Variants in PHGDH observed in about 807,000 individuals in gnomAD.
The protein encoded by PHGDH is phosphoglycerate dehydrogenase, also known as D-3-phosphoglycerate dehydrogenase.
Under a neutral mutation model 52.6 loss-of-function variants are expected in PHGDH, and 50 were observed. The ratio of observed to expected loss-of-function variants is 0.95; its 90% confidence interval spans 0.76 to 1.20. PHGDH has a LOEUF of 1.20. Among genes scored for constraint, PHGDH ranks in the 50% most tolerant of loss-of-function variants. PHGDH has a pLI of 0.00. For missense variants in PHGDH, 630 were observed against 684.6 expected, an observed-to-expected ratio of 0.92 and a Z score of 0.89; for synonymous variants, 271 against 280.5, an observed-to-expected ratio of 0.97 and a Z score of 0.34.
At chr1:119,738,499 G>A (rs1417411421) in intron 8 of PHGDH, among the ~76,000 whole-genome samples, 1 of 152,214 alleles carries the variant, frequency 6.6e-6, no homozygotes, top group Non-Finnish European at 1.5e-5. Context: ...GGGCTCCTCA[G>A]GGCAGAGCAC....
chr1:119,734,473 G>T, intron 5 of PHGDH, 161 bp from the exon 6 acceptor site: 1 of 746,922 alleles, frequency 1.3e-6, no homozygotes. Flanking sequence ...TTAGTATGTG[G>T]AACATGGTAC....
intron 1 of PHGDH, chr1:119,715,732 CTTGT>C (rs879383487): frequency 3.3e-5 from 5 of 152,154 alleles, no homozygotes; most frequent in Admixed American, 3.3e-4. Flanking sequence ...AGCGGGAGGA[CTTGT>C]AGGAAGTGTG....
In PHGDH at chr1:119,743,969, A is replaced by C; in HGVS notation, c.1531A>C (p.Ile511Leu). 2.6e-5 allele frequency: 42 copies of C among 1,614,046 alleles called. No individual in the cohort carries two copies. The highest frequency in any genetic ancestry group is 3.6e-5 in the Non-Finnish European group (42 of 1,179,914). The change falls in exon 12 of 12, where the codon ATC (isoleucine) becomes CTC (leucine). Residue 511 changes from isoleucine to leucine, a missense_variant. Transcript: ENST00000641023. ...SDGETWHVMGISSLLPSLEAW... is the reference protein window; with the variant it reads ...SDGETWHVMGLSSLLPSLEAW... ...TGGGGAGACCTGGCACGTCATGGGCATCTCCTCCTTGCTGCCCAGCCTGGA... is the reference window on the plus strand; with the variant it reads ...TGGGGAGACCTGGCACGTCATGGGCCTCTCCTCCTTGCTGCCCAGCCTGGA...
At chr1:119,737,726 T>G (rs1175146357) in intron 8 of PHGDH, among the ~76,000 whole-genome samples, 1 of 152,180 alleles carries the variant, frequency 6.6e-6, no homozygotes. Flanking sequence ...ATGAGCCCTC[T>G]GTGCTGGCTG....
At chr1:119,719,986 G>A (rs981747541) in intron 1 of PHGDH, 1 of 152,202 alleles carries the variant, frequency 6.6e-6, no homozygotes, top group Non-Finnish European at 1.5e-5. Context: ...GCAGACCTAG[G>A]ATTAGAACTC....
chr1:119,724,438 C>G (rs45488800), intron 3 of PHGDH: 2 of 279,892 alleles, frequency 7.1e-6, no homozygotes, highest in Non-Finnish European at 6.9e-6. Context: ...CAGTTTCCAT[C>G]TGAGCTCTCT....
intron 1 of PHGDH, among the ~76,000 whole-genome samples, chr1:119,716,807 C>T (rs1650956281): frequency 6.6e-6 from 1 of 152,092 alleles, no homozygotes; most frequent in Non-Finnish European, 1.5e-5. Flanking sequence ...GAAATGACCA[C>T]TAAAAATGTG....
At chr1:119,736,794 A>G (rs1042187260) in intron 7 of PHGDH, among the ~76,000 whole-genome samples, 1 of 152,232 alleles carries the variant, frequency 6.6e-6, no homozygotes, top group Non-Finnish European at 1.5e-5. Flanking sequence ...CAGTAATGTT[A>G]TGAGGGAGAT....
At chr1:119,734,368 C>T in intron 5 of PHGDH, 1 of 443,166 alleles carries the variant, frequency 2.3e-6, no homozygotes, top group Non-Finnish European at 4.2e-6. Context: ...CTGCTTCCCT[C>T]AGCTCTCAAG....
intron 3 of PHGDH, among the ~76,000 whole-genome samples, chr1:119,723,982 G>A (rs950732119): frequency 6.6e-6 from 1 of 152,048 alleles, no homozygotes; most frequent in African/African-American, 2.4e-5. Context: ...GGGTCCTTGT[G>A]TGTTCTGTGG....
chr1:119,738,678 C>T (rs1290227167), intron 8 of PHGDH, among the ~76,000 whole-genome samples: 1 of 152,178 alleles, frequency 6.6e-6, no homozygotes, highest in Non-Finnish European at 1.5e-5. Flanking sequence ...CCTTCCCCAT[C>T]GCAGCCTTGC....
rs142622658 is a variant in PHGDH, at chr1:119,737,123, C to T, written c.802C>T (p.Arg268Trp). Residue 268 changes from arginine to tryptophan, a missense_variant, in exon 8 of 12, where the codon CGG becomes TGG. Physicochemically the swap from Arg to Trp is moderately radical, Grantham distance 101 (BLOSUM62 -3). Coordinates refer to ENST00000641023, the MANE Select transcript of PHGDH (RefSeq NM_006623.4). Reference sequence around the variant, plus strand: ...ATCTCTTTCTGGGCAGGAGCCGCCACGGGACCGGGCCTTGGTGGACCATGA... The same window carrying T: ...ATCTCTTTCTGGGCAGGAGCCGCCATGGGACCGGGCCTTGGTGGACCATGA... ...ALDVFTEEPP[R>W]DRALVDHENV... is the part of the protein sequence containing the mutation. The T allele has an allele frequency of 3.7e-5, 59 of 1,614,128 alleles. No homozygotes were observed. The highest frequency in any genetic ancestry group is 1.8e-4 in the Admixed American group (11 of 60,020).
intron 9 of PHGDH, among the ~76,000 whole-genome samples, chr1:119,741,009 C>A (rs1392815279): frequency 6.6e-6 from 1 of 152,096 alleles, no homozygotes; most frequent in African/African-American, 2.4e-5. Flanking sequence ...TAAGGTGGTA[C>A]CTTGGGCCGT....
intron 10 of PHGDH, chr1:119,742,285 G>T: frequency 2.7e-6 from 1 of 371,202 alleles, no homozygotes; most frequent in Admixed American, 4.0e-5. Flanking sequence ...AGCTCTAGGA[G>T]CCCTGCTGCC....
intron 1 of PHGDH, among the ~76,000 whole-genome samples, chr1:119,718,571 C>A (rs1169409530): frequency 1.3e-5 from 2 of 152,206 alleles, no homozygotes; most frequent in African/African-American, 4.8e-5. Context: ...CAATGACTTT[C>A]CAGTTCTTGG....
intron 3 of PHGDH, chr1:119,724,551 C>G (rs1651315872): frequency 2.8e-6 from 1 of 363,048 alleles, no homozygotes; most frequent in East Asian, 7.3e-5. Flanking sequence ...GAAGGGGCCC[C>G]CAGGCTGGCA....
At chr1:119,716,445 G>A (rs775618774) in intron 1 of PHGDH, among the ~76,000 whole-genome samples, 27 of 152,190 alleles carry the variant, frequency 1.8e-4, no homozygotes, top group Non-Finnish European at 2.8e-4. Flanking sequence ...GGACTTTGGG[G>A]AGTCTGCATG....
intron 5 of PHGDH, among the ~76,000 whole-genome samples, chr1:119,728,621 C>T (rs918042891): frequency 1.3e-5 from 2 of 152,140 alleles, no homozygotes; most frequent in Non-Finnish European, 1.5e-5. Context: ...AGTAGCAGTG[C>T]CACCCACTTG....
intron 7 of PHGDH, among the ~76,000 whole-genome samples, chr1:119,736,112 T>A (rs1352317737): frequency 2.0e-5 from 3 of 152,210 alleles, no homozygotes; most frequent in East Asian, 3.8e-4. Context: ...GTAGTTGTGG[T>A]TCGCAGGTTA....
Sources: gnomAD v4.1 joint callset for allele counts (sites outside exome capture counted in the v4.1 genomes callset) on GRCh38, gnomAD v4.1.1 for gene constraint, MANE v1.5 for transcripts, NCBI Gene and HGNC (gene_info 2026-07-23, HGNC 2026-07-21) for gene names.